Variants in NEXMIF observed in about 807,000 individuals in gnomAD.
The protein encoded by NEXMIF is neurite extension and migration factor, also known as XLMR protein related to neurite extension.
Under a neutral mutation model 62.1 loss-of-function variants are expected in NEXMIF, and 8 were observed. That is an observed-to-expected ratio of 0.13 (90% CI 0.08 to 0.23). The LOEUF (loss-of-function observed/expected upper bound fraction) is 0.23, where lower values mean the gene tolerates loss of function less well. NEXMIF is among the 10% of genes least tolerant of loss of function. NEXMIF has a pLI of 1.00. For synonymous variants in NEXMIF, 404 were observed against 416.6 expected (o/e 0.97, Z 0.37); for missense variants, 976 against 1,113.3 (o/e 0.88, Z 1.75).
intron 1 of NEXMIF, among the ~76,000 whole-genome samples, chrX:74,758,432 G>A (rs1474274912): frequency 9.0e-6 from 1 of 111,061 alleles, no homozygotes. Context: ...TTTATTTTAG[G>A]TTCAGGGATA....
intron 1 of NEXMIF, among the ~76,000 whole-genome samples, chrX:74,885,588 C>A (rs781119585): frequency 0.022 from 2,403 of 111,510 alleles, 31 homozygotes; most frequent in Middle Eastern, 0.037. Flanking sequence ...CCTCCCAAGA[C>A]TAAACCAGGA....
intron 1 of NEXMIF, among the ~76,000 whole-genome samples, chrX:74,857,295 A>T (rs973184086): frequency 4.8e-4 from 54 of 112,055 alleles, no homozygotes; most frequent in Admixed American, 4.4e-3. Flanking sequence ...AGTAAAGAAG[A>T]CTTGGTCTTG....
intron 1 of NEXMIF, among the ~76,000 whole-genome samples, chrX:74,888,152 G>T (rs1452959674): frequency 9.2e-6 from 1 of 108,812 alleles, no homozygotes; most frequent in African/African-American, 3.4e-5. Context: ...GGTGGGGGCA[G>T]GGGGGAAGGA....
rs1364662657 is a variant in NEXMIF, at chrX:74,866,869, C to A, written c.-48+58014G>T. Among the ~76,000 whole-genome samples the A allele has an allele frequency of 5.3e-5, 6 of 112,530 alleles. No individual in the cohort carries two copies. The East Asian group carries it at 8.4e-4, about 16-fold the overall frequency. On this transcript the variant is annotated intron_variant, in intron 1 of 3. Coordinates refer to ENST00000055682, the MANE Select transcript of NEXMIF (RefSeq NM_001008537.3). ...TGTGAAACTATTGAGTCCACTAAAC[C>A]TCCTTGCTTTATAAACTACCCAGTC...
intron 1 of NEXMIF, among the ~76,000 whole-genome samples, chrX:74,826,365 T>G (rs951264003): frequency 1.1e-3 from 121 of 112,374 alleles, no homozygotes; most frequent in African/African-American, 3.3e-3. Flanking sequence ...TGGGGTTGTT[T>G]GTTTTCTTCT....
chrX:74,812,443 T>C (rs1418180758), intron 1 of NEXMIF, among the ~76,000 whole-genome samples: 3 of 112,168 alleles, frequency 2.7e-5, no homozygotes, highest in Non-Finnish European at 5.6e-5. Flanking sequence ...TTGGAATCTT[T>C]AATCTTCATC....
intron 1 of NEXMIF, among the ~76,000 whole-genome samples, chrX:74,845,666 T>C (rs1001488870): frequency 5.4e-5 from 6 of 111,743 alleles, no homozygotes; most frequent in Non-Finnish European, 1.1e-4. Flanking sequence ...ATTTGTGATA[T>C]AATTCAATAA....
rs1264247610 is a variant in NEXMIF, at chrX:74,737,175, G to A, written c.*2230C>T. ...CCTCTAAGCCAGCAGGTGACTCTGA[G>A]GTCTGGAGTCTTGGGGATCACAATA... is the stretch of plus-strand genomic sequence containing the variant. On this transcript the variant is annotated 3_prime_UTR_variant, in exon 4 of 4. Coordinates refer to ENST00000055682, the MANE Select transcript of NEXMIF (RefSeq NM_001008537.3). 9.0e-6 allele frequency: 1 copy of A among 111,716 alleles called. No individual in the cohort carries two copies. The highest frequency in any genetic ancestry group is 1.9e-5 in the Non-Finnish European group (1 of 53,112). The allele number at this position is 111,716 out of a possible 1,213,427, so 9.2% of individuals were successfully genotyped here.
At chrX:74,896,619 C>T (rs2080733708) in intron 1 of NEXMIF, among the ~76,000 whole-genome samples, 1 of 111,667 alleles carries the variant, frequency 9.0e-6, no homozygotes, top group South Asian at 3.8e-4. Flanking sequence ...GAAAAGGCTC[C>T]CACTAATTCC....
rs183441944 is a variant in NEXMIF at position 74,878,638 on chromosome X, G to A, written c.-48+46245C>T. Among the ~76,000 whole-genome samples, 51 of 112,774 alleles carry A rather than the reference G, an allele frequency of 4.5e-4. No individual in the cohort carries two copies. In the East Asian group the frequency reaches 0.012, roughly 27 times the overall value. On this transcript the variant is annotated intron_variant, in intron 1 of 3. Coordinates refer to ENST00000055682, the MANE Select transcript of NEXMIF (RefSeq NM_001008537.3). Reference sequence around the variant, plus strand: ...TCAGACTGCAGTGCTCGCAATCAGCGGGACTCCGTGGGCGTAGGATCCTGC... The same window carrying A: ...TCAGACTGCAGTGCTCGCAATCAGCAGGACTCCGTGGGCGTAGGATCCTGC...
intron 1 of NEXMIF, among the ~76,000 whole-genome samples, chrX:74,921,129 G>C (rs2080825502): frequency 9.0e-6 from 1 of 111,686 alleles, no homozygotes; most frequent in South Asian, 3.8e-4. Flanking sequence ...CACCAGAGAA[G>C]ATGGTAGGGA....
At chrX:74,766,369 C>T (rs769974086) in intron 1 of NEXMIF, among the ~76,000 whole-genome samples, 23 of 112,132 alleles carry the variant, frequency 2.1e-4, no homozygotes, top group Non-Finnish European at 3.6e-4. Context: ...TTCAGAAATG[C>T]CAATGATTTG....
intron 1 of NEXMIF, among the ~76,000 whole-genome samples, chrX:74,869,597 A>G: frequency 8.9e-6 from 1 of 112,386 alleles, no homozygotes; most frequent in African/African-American, 3.2e-5. Context: ...AAAAACAATT[A>G]GAGCTGAAAA....
intron 1 of NEXMIF, among the ~76,000 whole-genome samples, chrX:74,794,048 C>G (rs1269065355): frequency 2.3e-4 from 21 of 89,391 alleles, no homozygotes; most frequent in Middle Eastern, 5.2e-3. Flanking sequence ...GGAGGAGAGG[C>G]GCTCTGCATT....
intron 1 of NEXMIF, among the ~76,000 whole-genome samples, chrX:74,805,827 C>G (rs1257897583): frequency 8.9e-6 from 1 of 111,877 alleles, no homozygotes; most frequent in Non-Finnish European, 1.9e-5. Context: ...CTATTCTGAT[C>G]CATTGGTCAA....
chrX:74,910,334 T>C (rs1340836542), intron 1 of NEXMIF, among the ~76,000 whole-genome samples: 1 of 112,559 alleles, frequency 8.9e-6, no homozygotes, highest in Non-Finnish European at 1.9e-5. Context: ...GAGATCATTT[T>C]GCAGCTTTAG....
chrX:74,881,157 G>T (rs1001651291), intron 1 of NEXMIF, among the ~76,000 whole-genome samples: 1 of 111,254 alleles, frequency 9.0e-6, no homozygotes, highest in African/African-American at 3.3e-5. Flanking sequence ...AGAAAAGAAA[G>T]ATAGAGACAA....
rs751922086 is a variant in NEXMIF, at chrX:74,741,889, G to T, written c.2668C>A (p.Pro890Thr). The T allele has an allele frequency of 1.7e-6, 2 of 1,211,656 alleles. No homozygotes were observed. Among genetic ancestry groups the T allele is most frequent in the Non-Finnish European group, 2.2e-6 (2 of 895,345 alleles). ...MESSNYRNVW[P>T]NKATSGTQEF... ...TGGGTGCCAGAAGTAGCCTTGTTGG[G>T]CCACACATTTCTATAGTTGCTTGAT... The change falls in exon 3 of 4, where the codon CCC (proline) becomes ACC (threonine). Residue 890 changes from proline (P) to threonine (T), a missense_variant. Coordinates refer to ENST00000055682, the MANE Select transcript of NEXMIF (RefSeq NM_001008537.3).
chrX:74,776,113 G>T (rs2147456827), intron 1 of NEXMIF, among the ~76,000 whole-genome samples: 1 of 111,097 alleles, frequency 9.0e-6, no homozygotes, highest in African/African-American at 3.3e-5. Flanking sequence ...AACAAAGAAG[G>T]AAACCCATCC....
Sources: gnomAD v4.1 joint callset for allele counts (sites outside exome capture counted in the v4.1 genomes callset) on GRCh38, gnomAD v4.1.1 for gene constraint, MANE v1.5 for transcripts, NCBI Gene and HGNC (gene_info 2026-07-23, HGNC 2026-07-21) for gene names.